Variants in MICAL1 observed in about 807,000 individuals in gnomAD.
MICAL1 encodes microtubule associated monooxygenase, calponin and LIM domain containing 1.
In MICAL1, 95 loss-of-function variants were observed where a neutral mutation model predicts 131.8. The observed-to-expected ratio is 0.72, with a 90% CI of 0.61 to 0.86. The LOEUF is 0.86. MICAL1 is among the 40% of genes least tolerant of loss of function. The pLI is 0.00. For synonymous variants in MICAL1, 546 were observed against 554.2 expected, an observed-to-expected ratio of 0.99 and a Z score of 0.21; for missense variants, 1,292 against 1,380.6, an observed-to-expected ratio of 0.94 and a Z score of 1.02.
chr6:109,447,365 G>T lies in MICAL1; in HGVS notation c.2062C>A (p.His688Asn), dbSNP rs41288558. 5.7e-3 allele frequency: 9,141 copies of T among 1,614,030 alleles called. 69 individuals are homozygous for T. Among genetic ancestry groups the T allele is most frequent in the Non-Finnish European group, 5.6e-3 (6,663 of 1,179,992 alleles). ...PGVPLTPPSQ[H>N]QEAGAGDLCA... ...CAAAGCCTGGCTCTCACCTCCTGGT[G>T]TTGGGATGGGGGTGTCAGGGGTACA... Residue 688 changes from histidine (H) to asparagine (N), a missense_variant, in exon 16 of 25, where the codon CAC becomes AAC. Physicochemically the swap from His to Asn is moderately conservative, Grantham distance 68 (BLOSUM62 1). Transcript: ENST00000358807.
Position 109,448,802 on chromosome 6 carries a change from C to A in MICAL1, c.1594G>T (p.Asp532Tyr), listed in dbSNP as rs200751714. ...TAGYPGVHVS[D>Y]LSSSWADGLA... ...CCATCAGCCCAGGAGGAAGACAAAT[C>A]GGAGACGTGGACTCCCGGGTACCCA... Residue 532 changes from aspartate to tyrosine, a missense_variant, in exon 12 of 25, where the codon GAT (aspartate) becomes TAT (tyrosine). Asp to Tyr is a radical substitution (Grantham distance 160, BLOSUM62 -3). Transcript: ENST00000358807. 1.9e-5 allele frequency: 31 copies of A among 1,613,952 alleles called. No individual in the cohort carries two copies. Among genetic ancestry groups the A allele is most frequent in the Non-Finnish European group, 2.5e-5 (30 of 1,180,006 alleles).
Position 109,452,491 on chromosome 6 carries a change from T to G in MICAL1, c.676+20A>C, listed in dbSNP as rs1775584483. The G allele has an allele frequency of 6.2e-7, 1 of 1,613,094 alleles. No individual in the cohort carries two copies. Among genetic ancestry groups the G allele is most frequent in the Non-Finnish European group, 8.5e-7 (1 of 1,179,288 alleles). On this transcript the variant is annotated intron_variant, in intron 5 of 24. Transcript: ENST00000358807. The stretch of plus-strand genomic sequence containing the variant: ...GATGTGCCAGAGATGCTGGCTTCTT[T>G]GAGGGAAGTGATCACTCACCTTCAG...
At chr6:109,458,122 A>G (rs923141768), upstream of MICAL1, among the ~76,000 whole-genome samples, 21 of 133,834 alleles carry the variant, frequency 1.6e-4, no homozygotes, top group Non-Finnish European at 8.3e-5. Flanking sequence ...ATTTCTTCCA[A>G]GAAAAAAAAA....
chr6:109,447,259 G>A (rs1205596071), intron 16 of MICAL1, 30 bp from the exon 17 acceptor site: 5 of 1,613,848 alleles, frequency 3.1e-6, no homozygotes, highest in Non-Finnish European at 4.2e-6. Context: ...ACAGGGTCAG[G>A]TGGAGCCAAG....
At position 109,447,372 on chromosome 6, in the gene MICAL1, TG is replaced by T. The variant is rs1435046263; in HGVS notation, c.2054del (p.Pro685HisfsTer219). ...TGGCTCTCACCTCCTGGTGTTGGGA[TG>T]GGGGTGTCAGGGGTACACCAGGCTC... The part of the protein sequence containing the change: ...DPEPGVPLTP[P>X]SQHQEAGAGD... On this transcript the variant is annotated frameshift_variant, in exon 16 of 25. Coordinates refer to ENST00000358807, the MANE Select transcript of MICAL1 (RefSeq NM_022765.4). LOFTEE classifies it high-confidence loss of function. 1.9e-6 allele frequency: 3 copies of T among 1,613,488 alleles called. No homozygotes were observed. The Admixed American group carries it at 5.0e-5, about 27-fold the overall frequency.
rs1429439432 is a variant in MICAL1, at chr6:109,447,191, G to C, written c.2109C>G (p.His703Gln). The change falls in exon 17 of 25, where the codon CAC becomes CAG. Residue 703 changes from histidine to glutamine, a missense_variant. By Grantham distance (24) the His-to-Gln change is conservative. Transcript: ENST00000358807. ...AGDLCALCGE[H>Q]LYVLERLCVN... ...CACAGAGGCGTTCCAGGACATAGAG[G>C]TGTTCCCCACAAAGTGCACACAGGT... 1 of 1,614,122 alleles carries C rather than the reference G, an allele frequency of 6.2e-7. No individual in the cohort carries two copies. The highest frequency in any genetic ancestry group is 8.5e-7 in the Non-Finnish European group (1 of 1,179,960).
chr6:109,446,257 G>C lies in MICAL1; in HGVS notation c.2460C>G (p.Asn820Lys), dbSNP rs376815721. 1.9e-6 allele frequency: 3 copies of C among 1,613,588 alleles called. No homozygotes were observed. The African/African-American group carries it at 4.0e-5, about 22-fold the overall frequency. The change falls in exon 19 of 25, where the codon AAC becomes AAG. Residue 820 changes from asparagine (N) to lysine (K), a missense_variant. By Grantham distance (94) the Asn-to-Lys change is moderately conservative. Coordinates refer to ENST00000358807, the MANE Select transcript of MICAL1 (RefSeq NM_022765.4). ...GCTCCATTTCCGGGTCAGGGGTAAG[G>C]TTAAGGGAGGACAACCGCTGGCGCT... ...SPERQRLSSL[N>K]LTPDPEMEPP...
At chr6:109,465,574 C>A (rs929371578) in intron 1 of MICAL1, 27 of 1,399,306 alleles carry the variant, frequency 1.9e-5, no homozygotes, top group Non-Finnish European at 2.3e-5. Flanking sequence ...TCAATGCCCC[C>A]AAAGAAAAAC....
rs1245977126 is a variant in MICAL1, at chr6:109,453,984, T to C, written c.213A>G (p.Ala71=). ...KSLWTKLDKR[A]GQPVYQQGRA... ...GGCCCTGCTGGTAGACAGGCTGGCC[T>C]GCTCGCTTGTCCAGCTTGGTCCACA... Residue 71 remains alanine, a synonymous_variant, in exon 2 of 25, where the codon GCA becomes GCG. Transcript: ENST00000358807. The C allele has an allele frequency of 6.2e-7, 1 of 1,613,936 alleles. No individual in the cohort carries two copies. The highest frequency in any genetic ancestry group is 1.3e-5 in the African/African-American group (1 of 74,954).
At chr6:109,447,519 G>C in intron 15 of MICAL1, 79 bp from the exon 16 acceptor site, 1 of 1,534,390 alleles carries the variant, frequency 6.5e-7, no homozygotes, top group South Asian at 1.2e-5. Flanking sequence ...TGAACACAAG[G>C]GGCTGAAGGG....
chr6:109,456,080 GGCTGAGGA>G (rs1350094010), upstream of MICAL1: 100 of 957,796 alleles, frequency 1.0e-4, no homozygotes, highest in East Asian at 9.8e-3. Context: ...GCCTGTTGGG[GGCTGAGGA>G]GCTCGAGGGT....
At chr6:109,450,170 G>C in intron 8 of MICAL1, 85 bp from the exon 9 acceptor site, 1 of 1,563,498 alleles carries the variant, frequency 6.4e-7, no homozygotes, top group Non-Finnish European at 8.7e-7. Context: ...GGTCACAGCA[G>C]AAGGGGCCAT....
At chr6:109,457,792 GAAC>G (rs1775793446), upstream of MICAL1, among the ~76,000 whole-genome samples, 3 of 152,162 alleles carry the variant, frequency 2.0e-5, no homozygotes, top group African/African-American at 4.8e-5. Context: ...GAAGATCAGA[GAAC>G]AATAATGAGT....
chr6:109,445,675 G>A lies in MICAL1; in HGVS notation c.2673+96C>T. The A allele has an allele frequency of 2.0e-6, 3 of 1,517,668 alleles. No individual in the cohort carries two copies. The South Asian group carries it at 3.5e-5, about 18-fold the overall frequency. The allele number at this position is 1,517,668 out of a possible 1,614,324, so 94.0% of individuals were successfully genotyped here. A position where few individuals can be genotyped will look rare whatever the true frequency, so the allele number is the denominator to read the frequency against. ...AGGCCAGAGATATGACAGGCCAAGT[G>A]AGAAGACATTCCAAGAGAAGGGTGC... On this transcript the variant is annotated intron_variant, in intron 20 of 24. Transcript: ENST00000358807.
intron 9 of MICAL1, 84 bp from the exon 10 acceptor site, chr6:109,449,867 C>G: frequency 6.3e-7 from 1 of 1,584,276 alleles, no homozygotes; most frequent in Non-Finnish European, 8.6e-7. Context: ...CAGGCCTTTT[C>G]TTCTGCCTAT....
intron 15 of MICAL1, 115 bp from the exon 16 acceptor site, chr6:109,447,555 G>A: frequency 6.6e-7 from 1 of 1,524,146 alleles, no homozygotes; most frequent in Non-Finnish European, 9.1e-7. Context: ...AGGCAGGGAG[G>A]CTGGATGGGG....
chr6:109,456,131 G>GCAAGGAGC, upstream of MICAL1: 2 of 617,620 alleles, frequency 3.2e-6, no homozygotes, highest in Non-Finnish European at 4.1e-6. Context: ...CGCACCCTCG[G>GCAAGGAGC]CCTGGGCTCC....
intron 22 of MICAL1, 57 bp from the exon 23 acceptor site, chr6:109,445,052 A>C (rs1174559543): frequency 1.9e-6 from 3 of 1,595,188 alleles, no homozygotes; most frequent in East Asian, 4.5e-5. Context: ...GCACCACAGG[A>C]GTTACAGGCT....
At chr6:109,449,221 C>T in intron 11 of MICAL1, 179 bp downstream of exon 11, 2 of 747,966 alleles carry the variant, frequency 2.7e-6, no homozygotes, top group East Asian at 5.3e-5. Flanking sequence ...CAGCCAACTG[C>T]TGCCTGTGCG....
Sources: gnomAD v4.1 joint callset for allele counts (sites outside exome capture counted in the v4.1 genomes callset) on GRCh38, gnomAD v4.1.1 for gene constraint, MANE v1.5 for transcripts, NCBI Gene and HGNC (gene_info 2026-07-23, HGNC 2026-07-21) for gene names.